Variants in ADGRB3 observed in about 807,000 individuals in gnomAD.
ADGRB3 encodes the protein brain-specific angiogenesis inhibitor 3.
Under a neutral mutation model 193.4 loss-of-function variants are expected in ADGRB3, and 37 were observed. That is an observed-to-expected ratio of 0.19 (90% CI 0.15 to 0.25). ADGRB3 has a LOEUF of 0.25. Among genes scored for constraint, ADGRB3 ranks in the 10% least tolerant of loss-of-function variants. The pLI is 1.00. For missense variants in ADGRB3, 1,637 were observed against 1,852.9 expected, an observed-to-expected ratio of 0.88 and a Z score of 2.14; for synonymous variants, 690 against 644.2, an observed-to-expected ratio of 1.07 and a Z score of -1.08.
chr6:68,688,355 T>A (rs2127300810), intron 3 of ADGRB3, among the ~76,000 whole-genome samples: 1 of 152,034 alleles, frequency 6.6e-6, no homozygotes, highest in South Asian at 2.1e-4. Context: ...GTTTAAAGAT[T>A]TTATTTTCTC....
At chr6:69,051,981 C>T (rs1264571826) in intron 15 of ADGRB3, among the ~76,000 whole-genome samples, 3 of 152,110 alleles carry the variant, frequency 2.0e-5, no homozygotes, top group Non-Finnish European at 2.9e-5. Flanking sequence ...TGCAAGATCT[C>T]CCGGGTTCAC....
intron 3 of ADGRB3, among the ~76,000 whole-genome samples, chr6:68,730,575 G>A (rs1236805257): frequency 6.6e-6 from 1 of 151,628 alleles, no homozygotes; most frequent in African/African-American, 2.4e-5. Flanking sequence ...CTATTAAAGA[G>A]TTGTGAATTA....
intron 17 of ADGRB3, among the ~76,000 whole-genome samples, chr6:69,106,158 C>A: frequency 8.4e-5 from 3 of 35,826 alleles, no homozygotes; most frequent in Admixed American, 4.7e-4. Context: ...TTCTGTGAGA[C>A]TGCGTTAAAA....
chr6:68,822,607 TCC>T (rs1165641647), intron 3 of ADGRB3, among the ~76,000 whole-genome samples: 2 of 151,950 alleles, frequency 1.3e-5, no homozygotes, highest in Non-Finnish European at 2.9e-5. Flanking sequence ...CCATTCAAGG[TCC>T]ACCTGATATC....
chr6:69,036,451 A>T (rs75556966), intron 13 of ADGRB3, among the ~76,000 whole-genome samples: 8,696 of 152,224 alleles, frequency 0.057, 259 homozygotes, highest in African/African-American at 0.079. Flanking sequence ...CTATTAAAAA[A>T]AATGTGGACA....
chr6:69,224,521 T>A (rs1364797725), intron 17 of ADGRB3, among the ~76,000 whole-genome samples: 2 of 152,152 alleles, frequency 1.3e-5, no homozygotes. Context: ...AAATGATCAA[T>A]GTTCGAGGCA....
At position 68,995,312 on chromosome 6, in the gene ADGRB3, T is replaced by C. The variant is rs143182495; in HGVS notation, c.1929+1350T>C. Among the ~76,000 whole-genome samples the C allele has an allele frequency of 4.6e-5, 7 of 152,310 alleles. No individual in the cohort carries two copies. The East Asian group carries it at 1.2e-3, about 25-fold the overall frequency. ...AGTCTTTGACACAAAATATAAGTTGTGATTTCAAAAAAATTCTCATAAACT... is the reference window on the plus strand; with the variant it reads ...AGTCTTTGACACAAAATATAAGTTGCGATTTCAAAAAAATTCTCATAAACT... On this transcript the variant is annotated intron_variant, in intron 11 of 31. Coordinates refer to ENST00000370598, the MANE Select transcript of ADGRB3 (RefSeq NM_001704.3).
chr6:69,031,009 T>C (rs1402053009), intron 13 of ADGRB3, among the ~76,000 whole-genome samples: 4 of 106,736 alleles, frequency 3.7e-5, no homozygotes, highest in Non-Finnish European at 5.7e-5. Context: ...TCCTTTCTTT[T>C]CTTTTCTTTT....
chr6:68,724,336 A>G (rs1582149625), intron 3 of ADGRB3, among the ~76,000 whole-genome samples: 1 of 151,670 alleles, frequency 6.6e-6, no homozygotes, highest in South Asian at 2.1e-4. Context: ...TAAATAAGAG[A>G]TTCTATGGAC....
intron 3 of ADGRB3, among the ~76,000 whole-genome samples, chr6:68,916,079 C>A (rs997159769): frequency 6.6e-6 from 1 of 151,946 alleles, no homozygotes; most frequent in African/African-American, 2.4e-5. Context: ...TAGGAAAAAA[C>A]CACCTTAAAT....
At position 69,216,400 on chromosome 6, in the gene ADGRB3, T is replaced by G. The variant is rs373179758; in HGVS notation, c.2481-16890T>G. 2.0e-5 allele frequency among the ~76,000 whole-genome samples: 3 copies of G among 152,156 alleles called. No homozygotes were observed. The East Asian group carries it at 5.8e-4, about 29-fold the overall frequency. ...ATTTGAAGGGCTTTTAACACCTTGTTAAGGGAAAAGTTACCTACAGGCCCT... is the reference window on the plus strand; with the variant it reads ...ATTTGAAGGGCTTTTAACACCTTGTGAAGGGAAAAGTTACCTACAGGCCCT... On this transcript the variant is annotated intron_variant, in intron 17 of 31. Transcript: ENST00000370598.
Position 69,149,126 on chromosome 6 carries a change from T to C in ADGRB3, c.2480+73088T>C, listed in dbSNP as rs188920383. ...TGTTATTATCCTTTTGAATAAACTT[T>C]CTACACCATCTCTCTACTTCCCCTT... On this transcript the variant is annotated intron_variant, in intron 17 of 31. Transcript: ENST00000370598. Among the ~76,000 whole-genome samples the C allele has an allele frequency of 1.2e-4, 19 of 152,276 alleles. 1 individual carries two copies. In the East Asian group the frequency reaches 2.9e-3, roughly 23 times the overall value.
intron 3 of ADGRB3, among the ~76,000 whole-genome samples, chr6:68,839,093 C>T (rs994939329): frequency 3.8e-5 from 5 of 132,404 alleles, no homozygotes; most frequent in African/African-American, 1.7e-4. Flanking sequence ...CACACACACA[C>T]ACACACACAC....
At chr6:68,787,523 A>G (rs2127364562) in intron 3 of ADGRB3, among the ~76,000 whole-genome samples, 1 of 152,252 alleles carries the variant, frequency 6.6e-6, no homozygotes, top group East Asian at 1.9e-4. Context: ...CATGGTGGAT[A>G]AGCTTTTTGA....
chr6:69,297,367 TTTC>T (rs1767845999), intron 20 of ADGRB3, among the ~76,000 whole-genome samples: 11 of 124,758 alleles, frequency 8.8e-5, no homozygotes, highest in South Asian at 2.4e-4. Context: ...TCTCTCTCTC[TTTC>T]TCTCTCTCTC....
intron 17 of ADGRB3, among the ~76,000 whole-genome samples, chr6:69,219,004 C>A (rs1392992532): frequency 1.3e-5 from 2 of 152,000 alleles, no homozygotes; most frequent in Non-Finnish European, 2.9e-5. Context: ...TAGGGCTGTT[C>A]TTTAAATCTC....
At chr6:69,059,266 G>A (rs760744926) in intron 15 of ADGRB3, among the ~76,000 whole-genome samples, 2 of 151,970 alleles carry the variant, frequency 1.3e-5, no homozygotes, top group Non-Finnish European at 2.9e-5. Flanking sequence ...TTTGATATAA[G>A]TGTAGCCAAC....
intron 3 of ADGRB3, among the ~76,000 whole-genome samples, chr6:68,928,375 A>G (rs974887765): frequency 6.6e-6 from 1 of 151,960 alleles, no homozygotes; most frequent in Non-Finnish European, 1.5e-5. Flanking sequence ...AACAACAAAA[A>G]CTAAAATTAG....
intron 20 of ADGRB3, among the ~76,000 whole-genome samples, chr6:69,295,535 C>T (rs1323354537): frequency 3.3e-5 from 5 of 152,090 alleles, no homozygotes; most frequent in Admixed American, 1.3e-4. Flanking sequence ...AGAGCCTCCT[C>T]CAAGGGCTGA....
Sources: gnomAD v4.1 joint callset for allele counts (sites outside exome capture counted in the v4.1 genomes callset) on GRCh38, gnomAD v4.1.1 for gene constraint, MANE v1.5 for transcripts, NCBI Gene and HGNC (gene_info 2026-07-23, HGNC 2026-07-21) for gene names.